The following LMLN variants were observed in gnomAD, a reference collection of about 807,000 sequenced individuals.
LMLN encodes leishmanolysin-like peptidase.
LMLN carries 70 observed loss-of-function variants against 92.3 expected under a neutral mutation model. The ratio of observed to expected loss-of-function variants is 0.76; its 90% confidence interval spans 0.63 to 0.92. The LOEUF (loss-of-function observed/expected upper bound fraction) is 0.92, where lower values mean the gene tolerates loss of function less well. LMLN is among the 40% of genes least tolerant of loss of function. LMLN has a pLI of 0.00. For synonymous variants in LMLN, 308 were observed against 296.2 expected, an observed-to-expected ratio of 1.04 and a Z score of -0.41; for missense variants, 691 against 814.6, an observed-to-expected ratio of 0.85 and a Z score of 1.85.
intron 11 of LMLN, among the ~76,000 whole-genome samples, chr3:198,000,458 T>A (rs1050602848): frequency 1.2e-4 from 18 of 152,142 alleles, no homozygotes; most frequent in Non-Finnish European, 1.5e-5. Flanking sequence ...GACGGAGTGT[T>A]GCTCTGTCAC....
chr3:198,033,932 A>T (rs1723143438), intron 14 of LMLN, among the ~76,000 whole-genome samples: 1 of 152,230 alleles, frequency 6.6e-6, no homozygotes, highest in Non-Finnish European at 1.5e-5. Flanking sequence ...GTGATATCTT[A>T]AAACAAATGT....
intron 11 of LMLN, among the ~76,000 whole-genome samples, chr3:198,015,538 T>C (rs13091093): frequency 2.6e-4 from 27 of 103,622 alleles, no homozygotes; most frequent in Admixed American, 7.5e-4. Flanking sequence ...TTCTCTCCAC[T>C]CTTCAGAGCC....
intron 11 of LMLN, among the ~76,000 whole-genome samples, chr3:198,000,184 G>A (rs542701529): frequency 3.3e-5 from 5 of 152,068 alleles, no homozygotes; most frequent in East Asian, 3.9e-4. Context: ...GAGCCACCAC[G>A]CCTGGCAGAA....
intron 1 of LMLN, among the ~76,000 whole-genome samples, chr3:197,973,129 A>G (rs1721275376): frequency 6.6e-6 from 1 of 152,006 alleles, no homozygotes. Context: ...TCCCCAAAAT[A>G]CTGTCAGACA....
chr3:197,988,767 C>T (rs2109879917), intron 8 of LMLN, among the ~76,000 whole-genome samples: 1 of 152,188 alleles, frequency 6.6e-6, no homozygotes, highest in African/African-American at 2.4e-5. Context: ...CTGCAACCTC[C>T]ATTTCCCAGG....
At chr3:198,013,683 C>G (rs1407291692) in intron 11 of LMLN, among the ~76,000 whole-genome samples, 44 of 118,974 alleles carry the variant, frequency 3.7e-4, no homozygotes, top group Non-Finnish European at 5.6e-4. Flanking sequence ...TGACTTCTCT[C>G]CACCCTTCAG....
intron 9 of LMLN, 83 bp from the exon 10 acceptor site, chr3:197,996,092 T>C (rs1722009153): frequency 1.7e-5 from 10 of 591,758 alleles, no homozygotes; most frequent in Non-Finnish European, 2.5e-5. Flanking sequence ...GTTAACTTAT[T>C]ATATTCATGT....
At chr3:198,040,975 C>G (rs539203681) in exon 16 of LMLN, 1 of 152,640 alleles carries the variant, frequency 6.6e-6, no homozygotes, top group East Asian at 1.9e-4. Context: ...CCACAACCCT[C>G]GGACAGACTC....
At chr3:198,041,297 A>G (rs142208475) in exon 16 of LMLN, 1 of 152,366 alleles carries the variant, frequency 6.6e-6, no homozygotes, top group East Asian at 1.9e-4. Flanking sequence ...GAGCATTCCT[A>G]ATCCAAAAAT....
At chr3:197,984,665 T>G (rs1205461428) in intron 7 of LMLN, among the ~76,000 whole-genome samples, 1 of 151,588 alleles carries the variant, frequency 6.6e-6, no homozygotes, top group Non-Finnish European at 1.5e-5. Flanking sequence ...CCCAGGCTGG[T>G]CTCAAACTCC....
At chr3:197,988,306 G>A (rs750677682) in intron 8 of LMLN, among the ~76,000 whole-genome samples, 1 of 151,204 alleles carries the variant, frequency 6.6e-6, no homozygotes, top group Non-Finnish European at 1.5e-5. Context: ...GTTGCTTAAG[G>A]CCTCAAAAGA....
At chr3:198,027,737 G>A (rs960861117) in intron 14 of LMLN, among the ~76,000 whole-genome samples, 1 of 152,224 alleles carries the variant, frequency 6.6e-6, no homozygotes, top group East Asian at 1.9e-4. Flanking sequence ...CCATTGTATG[G>A]ATCTGTCACG....
At chr3:197,999,524 A>G (rs1328426838) in intron 11 of LMLN, 182 bp downstream of exon 11, 19 of 592,284 alleles carry the variant, frequency 3.2e-5, no homozygotes, top group South Asian at 8.3e-5. Flanking sequence ...CGTTCATTCA[A>G]TAAATACTTT....
At position 198,031,170 on chromosome 3, in the gene LMLN, T is replaced by C. The variant is rs1723070029; in HGVS notation, c.1657-4663T>C. The stretch of plus-strand genomic sequence containing the variant: ...ATGAGTAAATGAAAACTCAAAGAAG[T>C]GTGAAACCTATATACTTTTATACTA... On this transcript the variant is annotated intron_variant, in intron 14 of 15. Coordinates refer to ENST00000330198, the Ensembl canonical transcript of LMLN. This position sits in a 1 kb window ranked among gnomAD's most constrained non-coding sequence, Gnocchi z 4.8. Among the ~76,000 whole-genome samples the C allele has an allele frequency of 6.6e-6, 1 of 152,210 alleles. No homozygotes were observed. The highest frequency in any genetic ancestry group is 2.4e-5 in the African/African-American group (1 of 41,448).
At chr3:197,978,763 G>A (rs1363759771) in intron 5 of LMLN, among the ~76,000 whole-genome samples, 2 of 152,158 alleles carry the variant, frequency 1.3e-5, no homozygotes, top group Non-Finnish European at 2.9e-5. Flanking sequence ...GGCTGAGGTG[G>A]GCGGATCACC....
rs1043202934 is a variant in LMLN, at chr3:198,035,686, G to A, written c.1657-147G>A. The A allele has an allele frequency of 1.1e-5, 7 of 659,642 alleles. No individual in the cohort carries two copies. In the African/African-American group the frequency reaches 1.1e-4, roughly 10 times the overall value. 40.9% of individuals were successfully genotyped at this position (659,642 alleles called of 1,614,324 possible). A position where few individuals can be genotyped will look rare whatever the true frequency, so the allele number is the denominator to read the frequency against. The stretch of plus-strand genomic sequence containing the variant: ...ACTTAACTCTTTATATGAGGTTAAA[G>A]TTATGCCCACACTGCAAATTGTGCT... On this transcript the variant is annotated intron_variant, in intron 14 of 15. Transcript: ENST00000330198.
At position 198,003,160 on chromosome 3, in the gene LMLN, C is replaced by T. The variant is rs571068395; in HGVS notation, c.1232+3818C>T. 9.2e-5 allele frequency: 112 copies of T among 1,213,038 alleles called. No individual in the cohort carries two copies. In the African/African-American group the frequency reaches 1.6e-3, roughly 17 times the overall value. The allele number at this position is 1,213,038 out of a possible 1,614,324, so 75.1% of individuals were successfully genotyped here. On this transcript the variant is annotated intron_variant, in intron 11 of 15. Coordinates refer to ENST00000330198, the Ensembl canonical transcript of LMLN. ...CATTTCCTCACAGTGTCACTGATTA[C>T]ACAGTTCCTTTCTGACTTTATTCTT... is the stretch of plus-strand genomic sequence containing the variant.
intron 11 of LMLN, among the ~76,000 whole-genome samples, chr3:198,007,374 C>G (rs1229250064): frequency 1.3e-5 from 2 of 152,066 alleles, no homozygotes; most frequent in Non-Finnish European, 2.9e-5. Flanking sequence ...AGACTTAGAT[C>G]AAGGTTTGTT....
intron 11 of LMLN, among the ~76,000 whole-genome samples, chr3:198,011,055 G>A (rs1019771231): frequency 1.3e-5 from 2 of 152,014 alleles, no homozygotes; most frequent in Non-Finnish European, 2.9e-5. Flanking sequence ...TATGATTTGA[G>A]TTCTTTTAAA....
Sources: gnomAD v4.1 joint callset for allele counts (sites outside exome capture counted in the v4.1 genomes callset) on GRCh38, gnomAD v4.1.1 for gene constraint, Gnocchi (gnomAD v3.1) non-coding constraint, MANE v1.5 for transcripts, NCBI Gene and HGNC (gene_info 2026-07-23, HGNC 2026-07-21) for gene names.